The following TULP4 variants were observed in gnomAD, a reference collection of about 807,000 sequenced individuals.
TULP4 encodes the protein TUB like protein 4, also known as tubby-related protein 4.
In TULP4, 16 loss-of-function variants were observed where a neutral mutation model predicts 129.0. The observed-to-expected ratio is 0.12, with a 90% CI of 0.08 to 0.19. TULP4 has a LOEUF of 0.19. Ranked by LOEUF, TULP4 falls within the 10% of genes least tolerant of loss-of-function variation. The pLI is 1.00. For missense variants in TULP4, 1,842 were observed against 2,059.1 expected, an observed-to-expected ratio of 0.89 and a Z score of 2.04; for synonymous variants, 998 against 854.0, an observed-to-expected ratio of 1.17 and a Z score of -2.94.
At chr6:158,281,899 A>G (rs1313608073), upstream of TULP4, among the ~76,000 whole-genome samples, 4 of 152,126 alleles carry the variant, frequency 2.6e-5, no homozygotes, top group African/African-American at 9.7e-5. Flanking sequence ...TAATACTGGG[A>G]AAAACATTTT....
At chr6:158,273,971 C>T (rs542337449) in intron 1 of TULP4, among the ~76,000 whole-genome samples, 7 of 152,102 alleles carry the variant, frequency 4.6e-5, no homozygotes, top group Non-Finnish European at 1.0e-4. Context: ...TTAAAACCTG[C>T]CTCCCGGGCT....
intron 3 of TULP4, among the ~76,000 whole-genome samples, chr6:158,435,494 G>A (rs750269287): frequency 2.0e-5 from 3 of 151,966 alleles, no homozygotes; most frequent in Non-Finnish European, 2.9e-5. Flanking sequence ...TCCTCCCATC[G>A]CTGTCATCTC....
chr6:158,478,091 G>A (rs1779862565), intron 6 of TULP4, among the ~76,000 whole-genome samples: 1 of 152,140 alleles, frequency 6.6e-6, no homozygotes, highest in African/African-American at 2.4e-5. Flanking sequence ...GGAACAACTT[G>A]AGGGTGGAGA....
intron 1 of TULP4, among the ~76,000 whole-genome samples, chr6:158,412,284 G>C (rs909734877): frequency 6.6e-6 from 1 of 152,202 alleles, no homozygotes; most frequent in African/African-American, 2.4e-5. Context: ...GAGCCCTGCC[G>C]TGTTGGTTTG....
At chr6:158,258,261 C>A (rs985705992) in intron 1 of TULP4, among the ~76,000 whole-genome samples, 1 of 152,218 alleles carries the variant, frequency 6.6e-6, no homozygotes, top group African/African-American at 2.4e-5. Flanking sequence ...GACACTCTTT[C>A]TTTCTCTCTT....
intron 13 of TULP4, among the ~76,000 whole-genome samples, chr6:158,506,219 GTTC>G (rs1780595845): frequency 1.4e-5 from 1 of 70,886 alleles, no homozygotes; most frequent in Non-Finnish European, 2.7e-5. Flanking sequence ...TGCTCGCCTT[GTTC>G]TTTTTTTTTT....
At chr6:158,291,070 G>A (rs1778930211) in intron 1 of TULP4, among the ~76,000 whole-genome samples, 1 of 152,194 alleles carries the variant, frequency 6.6e-6, no homozygotes, top group South Asian at 2.1e-4. Flanking sequence ...GATAAGTACT[G>A]TGTATTAATA....
In TULP4 at chr6:158,240,144, A is replaced by G. The variant is rs1373121033; in HGVS notation, n.68+7841A>G. Among the ~76,000 whole-genome samples the G allele has an allele frequency of 2.3e-3, 112 of 48,468 alleles. 1 individual carries two copies. Among genetic ancestry groups the G allele is most frequent in the African/African-American group, 7.6e-3 (106 of 13,980 alleles). The allele number at this position is 48,468 out of a possible 152,430, so 31.8% of individuals were successfully genotyped here. On this transcript the variant is annotated intron_variant and non_coding_transcript_variant, in intron 1 of 1. Transcript: ENST00000620026. ...GGCAGAGGCGCCCCTCACCTCCCAG[A>G]CGGGGCGGCTGGCCGGGCGGAGGGC...
intron 1 of TULP4, among the ~76,000 whole-genome samples, chr6:158,375,585 A>G (rs1777165013): frequency 6.6e-6 from 1 of 152,198 alleles, no homozygotes; most frequent in Admixed American, 6.5e-5. Context: ...GGAAAGTTAC[A>G]TTTGATCTGA....
At chr6:158,333,845 ACG>A (rs1333884253) in intron 1 of TULP4, among the ~76,000 whole-genome samples, 94 of 152,242 alleles carry the variant, frequency 6.2e-4, no homozygotes, top group Non-Finnish European at 9.8e-4. Flanking sequence ...CAAAACTTAC[ACG>A]CACAAACAGA....
rs752487876 is a variant in TULP4, at chr6:158,502,444, C to G, written c.2781C>G (p.Leu927=). The change falls in exon 13 of 14, where the codon CTC becomes CTG. Residue 927 remains leucine, a synonymous_variant. Coordinates refer to ENST00000367097, the MANE Select transcript of TULP4 (RefSeq NM_020245.5). ...PGPGSSATLR[L]TATEKKVPQP... The stretch of plus-strand genomic sequence containing the variant: ...CGGGTAGCTCTGCCACCTTGAGGCT[C>G]ACGGCCACTGAGAAGAAGGTCCCTC... 2 of 1,613,444 alleles carry G rather than the reference C, an allele frequency of 1.2e-6. No homozygotes were observed. The highest frequency in any genetic ancestry group is 1.7e-6 in the Non-Finnish European group (2 of 1,179,902).
chr6:158,338,446 T>C (rs1331836847), intron 1 of TULP4, among the ~76,000 whole-genome samples: 2 of 152,228 alleles, frequency 1.3e-5, no homozygotes, highest in Non-Finnish European at 2.9e-5. Flanking sequence ...GACACTCTCA[T>C]GCAGCCAGCT....
intron 5 of TULP4, among the ~76,000 whole-genome samples, chr6:158,454,120 T>G (rs969365066): frequency 6.6e-6 from 1 of 150,878 alleles, no homozygotes; most frequent in African/African-American, 2.4e-5. Context: ...GTCTCAGGAC[T>G]GTAATTATAA....
Position 158,459,962 on chromosome 6 carries a change from C to T in TULP4, c.860-1601C>T, listed in dbSNP as rs143329821. Among the ~76,000 whole-genome samples the T allele has an allele frequency of 1.4e-3, 207 of 152,316 alleles. 1 individual carries two copies. The highest frequency in any genetic ancestry group is 4.6e-3 in the African/African-American group (192 of 41,564). On this transcript the variant is annotated intron_variant, in intron 5 of 13. Transcript: ENST00000367097. ...GTGCACGAATCCTCTAGCTTCCCCT[C>T]GCATTTGTAAAAGAATCTGATTCAC...
chr6:158,434,016 G>C (rs1490653493), intron 3 of TULP4, among the ~76,000 whole-genome samples: 1 of 152,088 alleles, frequency 6.6e-6, no homozygotes, highest in Non-Finnish European at 1.5e-5. Context: ...CTGTCTCCTT[G>C]GCTTACAGAC....
rs1777498356 is a variant in TULP4, at chr6:158,388,316, GTTTTTCTTTTTTTTT to G, written c.253-24743_253-24729del. On this transcript the variant is annotated intron_variant, in intron 1 of 13. Transcript: ENST00000367097. Reference sequence around the variant, plus strand: ...TTGTTTAAAGAAAAATAATCTGCTCGTTTTTCTTTTTTTTTTTTTTTTTTTTTTTTTGAGACGGAG... The same window carrying G: ...TTGTTTAAAGAAAAATAATCTGCTCGTTTTTTTTTTTTTTTTGAGACGGAG... Among the ~76,000 whole-genome samples the G allele has an allele frequency of 1.5e-4, 14 of 92,820 alleles. 1 individual carries two copies. The Admixed American group carries it at 1.6e-3, about 10-fold the overall frequency. The allele number at this position is 92,820 out of a possible 152,430, so 60.9% of individuals were successfully genotyped here. A position where few individuals can be genotyped will look rare whatever the true frequency, so the allele number is the denominator to read the frequency against.
chr6:158,489,564 A>G (rs1330454406), intron 8 of TULP4, 24 bp from the exon 9 acceptor site: 3 of 1,613,782 alleles, frequency 1.9e-6, no homozygotes, highest in Non-Finnish European at 1.7e-6. Flanking sequence ...TTCCCTTGAA[A>G]TCTGCTGGTT....
Position 158,502,086 on chromosome 6 carries a change from C to T in TULP4, c.2423C>T (p.Thr808Ile). 4 of 1,611,988 alleles carry T rather than the reference C, an allele frequency of 2.5e-6. No homozygotes were observed. Among genetic ancestry groups the T allele is most frequent in the Non-Finnish European group, 2.5e-6 (3 of 1,178,996 alleles). Reference sequence around the variant, plus strand: ...AAGTCAGCCAAGGCCCTGCGGCCAACACCGCAGCTGGCAGCTGAGGGGGAC... The same window carrying T: ...AAGTCAGCCAAGGCCCTGCGGCCAATACCGCAGCTGGCAGCTGAGGGGGAC... ...LQKSAKALRP[T>I]PQLAAEGDAV... is the part of the protein sequence containing the mutation. Residue 808 changes from threonine to isoleucine, a missense_variant, in exon 13 of 14, where the codon ACA becomes ATA. By Grantham distance (89) the Thr-to-Ile change is moderately conservative. This residue lies in a region of TULP4 where 1,089 missense variants were observed against 987.1 expected (regional missense o/e 1.10). Coordinates refer to ENST00000367097, the MANE Select transcript of TULP4 (RefSeq NM_020245.5).
chr6:158,268,261 A>G (rs1182577197), intron 1 of TULP4, among the ~76,000 whole-genome samples: 1 of 149,214 alleles, frequency 6.7e-6, no homozygotes, highest in East Asian at 2.0e-4. Context: ...CTGGTCTTGA[A>G]CTCCCAACCC....
Sources: gnomAD v4.1 joint callset for allele counts (sites outside exome capture counted in the v4.1 genomes callset) on GRCh38, gnomAD v4.1.1 for gene constraint, gnomAD v4.1.1 regional missense constraint, MANE v1.5 for transcripts, NCBI Gene and HGNC (gene_info 2026-07-23, HGNC 2026-07-21) for gene names.